CCDC91: variants seen among roughly 807,000 people sequenced by gnomAD.
CCDC91 encodes the protein coiled-coil domain containing 91.
CCDC91 carries 48 observed loss-of-function variants against 63.2 expected under a neutral mutation model. That is an observed-to-expected ratio of 0.76 (90% CI 0.60 to 0.97). CCDC91 has a LOEUF of 0.97. Ranked by LOEUF, CCDC91 falls within the 50% of genes least tolerant of loss-of-function variation. The pLI, the probability that CCDC91 is intolerant of heterozygous loss-of-function variation, is 0.00. For synonymous variants in CCDC91, 167 were observed against 165.8 expected (o/e 1.01, Z -0.06); for missense variants, 500 against 494.6 (o/e 1.01, Z -0.10).
rs1291102042 is a variant in CCDC91 at position 28,409,205 on chromosome 12, T to C, written c.762+17794T>C. Among the ~76,000 whole-genome samples the C allele has an allele frequency of 3.3e-5, 5 of 152,196 alleles. No individual in the cohort carries two copies. The East Asian group carries it at 7.7e-4, about 23-fold the overall frequency. ...GAAAGCATTAATTTTTCCATTATTT[T>C]AGCTGTACCTGTTTTTGTCAAAGCC... On this transcript the variant is annotated intron_variant, in intron 8 of 12. Coordinates refer to ENST00000536442, the MANE Select transcript of CCDC91 (RefSeq NM_018318.5).
rs530517525 is a variant in CCDC91, at chr12:28,524,707, C to G, written c.1216-24356C>G. Reference sequence around the variant, plus strand: ...TTCTTTTTTAATGTCTGGTATAAAGCTGTTGTGAATGCGTCTGGTCCTGGA... The same window carrying G: ...TTCTTTTTTAATGTCTGGTATAAAGGTGTTGTGAATGCGTCTGGTCCTGGA... On this transcript the variant is annotated intron_variant, in intron 12 of 12. Transcript: ENST00000536442. Among the ~76,000 whole-genome samples the G allele has an allele frequency of 2.0e-5, 3 of 152,080 alleles. No homozygotes were observed. The East Asian group carries it at 5.8e-4, about 29-fold the overall frequency.
At chr12:28,437,796 A>G (rs968973033) in intron 8 of CCDC91, among the ~76,000 whole-genome samples, 1 of 151,888 alleles carries the variant, frequency 6.6e-6, no homozygotes, top group Admixed American at 6.6e-5. Context: ...ATGTTCTGTC[A>G]TAGAAACGGA....
At chr12:28,265,390 G>A (rs1947117365) in intron 3 of CCDC91, among the ~76,000 whole-genome samples, 1 of 151,998 alleles carries the variant, frequency 6.6e-6, no homozygotes, top group Admixed American at 6.6e-5. Context: ...ATGGGAATTG[G>A]ACCAGCAGAT....
intron 7 of CCDC91, among the ~76,000 whole-genome samples, chr12:28,375,190 C>A (rs1944869424): frequency 6.6e-6 from 1 of 151,774 alleles, no homozygotes; most frequent in South Asian, 2.1e-4. Flanking sequence ...AACCATGGAA[C>A]CTATTCATAA....
chr12:28,349,503 G>C (rs780172619), intron 6 of CCDC91, among the ~76,000 whole-genome samples: 1 of 152,084 alleles, frequency 6.6e-6, no homozygotes, highest in African/African-American at 2.4e-5. Flanking sequence ...GCTTATAAGG[G>C]CCTCATGCTT....
intron 1 of CCDC91, among the ~76,000 whole-genome samples, chr12:28,228,555 T>G (rs900526760): frequency 1.3e-5 from 2 of 152,010 alleles, no homozygotes; most frequent in African/African-American, 4.8e-5. Flanking sequence ...AGTGGGAAAT[T>G]TATAGTTGGA....
At chr12:28,497,623 A>G (rs1322678131) in intron 12 of CCDC91, among the ~76,000 whole-genome samples, 1 of 151,602 alleles carries the variant, frequency 6.6e-6, no homozygotes, top group African/African-American at 2.4e-5. Flanking sequence ...TAAGCTGTAT[A>G]TCCAGCAGCG....
chr12:28,263,855 T>C (rs996841488), intron 3 of CCDC91, among the ~76,000 whole-genome samples: 1 of 152,020 alleles, frequency 6.6e-6, no homozygotes, highest in African/African-American at 2.4e-5. Flanking sequence ...TGTTAACTCT[T>C]CTTGATTATT....
rs141736582 is a variant in CCDC91, at chr12:28,264,212, A to G, written c.109+4770A>G. On this transcript the variant is annotated intron_variant, in intron 3 of 12. Coordinates refer to ENST00000536442, the MANE Select transcript of CCDC91 (RefSeq NM_018318.5). ...AATATATTACAGGTCTAGAAGGAATAAGAGTAGTATGTAGTTCTTTTGCCT... is the reference window on the plus strand; with the variant it reads ...AATATATTACAGGTCTAGAAGGAATGAGAGTAGTATGTAGTTCTTTTGCCT... Among the ~76,000 whole-genome samples the G allele has an allele frequency of 1.2e-3, 187 of 151,938 alleles. 3 individuals are homozygous for G. Among genetic ancestry groups the G allele is most frequent in the African/African-American group, 4.3e-3 (177 of 41,516 alleles).
intron 8 of CCDC91, among the ~76,000 whole-genome samples, chr12:28,419,483 C>T (rs1273256486): frequency 6.6e-6 from 1 of 152,026 alleles, no homozygotes; most frequent in Admixed American, 6.6e-5. Flanking sequence ...ACCAATAAAT[C>T]TTTTTTTGTC....
chr12:28,205,586 G>A (rs1391868606), intron 1 of CCDC91, among the ~76,000 whole-genome samples: 4 of 152,288 alleles, frequency 2.6e-5, no homozygotes, highest in Middle Eastern at 3.4e-3. Context: ...GCAGCCACAC[G>A]GTGGAAGAAG....
chr12:28,238,841 C>T (rs1031266247), intron 1 of CCDC91, among the ~76,000 whole-genome samples: 1 of 152,030 alleles, frequency 6.6e-6, no homozygotes, highest in Admixed American at 6.5e-5. Context: ...GTGTGGCAGC[C>T]AGGCACAGTG....
At chr12:28,395,413 A>G (rs1389593929) in intron 8 of CCDC91, among the ~76,000 whole-genome samples, 3 of 152,238 alleles carry the variant, frequency 2.0e-5, no homozygotes, top group Non-Finnish European at 4.4e-5. Flanking sequence ...TGCAAGTATT[A>G]GGTCCCCAGG....
intron 3 of CCDC91, among the ~76,000 whole-genome samples, chr12:28,264,577 A>C (rs1375282477): frequency 1.4e-4 from 7 of 50,798 alleles, no homozygotes; most frequent in African/African-American, 2.4e-4. Flanking sequence ...ATATATATAT[A>C]TGTCTGTCTG....
chr12:28,249,562 T>G (rs1012782482), intron 1 of CCDC91, among the ~76,000 whole-genome samples: 1 of 152,216 alleles, frequency 6.6e-6, no homozygotes, highest in Non-Finnish European at 1.5e-5. Context: ...GATGAGCTTC[T>G]TTATGGGAGC....
At chr12:28,394,711 G>GCTCTCTCTCTCTCTCTCTCCCT (rs1946177220) in intron 8 of CCDC91, among the ~76,000 whole-genome samples, 1 of 136,948 alleles carries the variant, frequency 7.3e-6, no homozygotes, top group Non-Finnish European at 1.6e-5. Flanking sequence ...TCTGTTTCTT[G>GCTCTCTCTCTCTCTCTCTCCCT]CTCTCTCTCT....
intron 1 of CCDC91, among the ~76,000 whole-genome samples, chr12:28,200,374 T>G (rs1215058749): frequency 6.8e-6 from 1 of 148,102 alleles, no homozygotes; most frequent in Admixed American, 6.7e-5. Flanking sequence ...GGAGGGAAGG[T>G]CAGCAGATAA....
At chr12:28,295,115 T>G (rs1405530376) in intron 3 of CCDC91, among the ~76,000 whole-genome samples, 1 of 152,194 alleles carries the variant, frequency 6.6e-6, no homozygotes, top group Non-Finnish European at 1.5e-5. Flanking sequence ...AAATTCTGAT[T>G]GACTCTGCAC....
intron 8 of CCDC91, among the ~76,000 whole-genome samples, chr12:28,429,296 C>G (rs1270788233): frequency 1.3e-5 from 2 of 152,026 alleles, no homozygotes; most frequent in Admixed American, 6.6e-5. Context: ...AGTTTTAATC[C>G]AGTATTCTTT....
Sources: allele counts gnomAD v4.1 joint callset (sites outside exome capture counted in the v4.1 genomes callset), GRCh38; gene constraint gnomAD v4.1.1; transcripts MANE v1.5; gene names NCBI Gene and HGNC (gene_info 2026-07-23, HGNC 2026-07-21).